ADGRD2: variants seen among roughly 807,000 people sequenced by gnomAD.
ADGRD2 encodes the protein adhesion G protein-coupled receptor D2.
Under a neutral mutation model 44.4 loss-of-function variants are expected in ADGRD2, and 71 were observed. The ratio of observed to expected loss-of-function variants is 1.60; its 90% confidence interval spans 1.32 to 1.95. The LOEUF is 1.95. Ranked by LOEUF, ADGRD2 falls within the 30% of genes most tolerant of loss-of-function variation. The pLI is 0.00. For synonymous variants in ADGRD2, 481 were observed against 224.8 expected (o/e 2.14, Z -10.19); for missense variants, 1,039 against 512.4 (o/e 2.03, Z -9.92).
At chr9:124,477,319 G>A (rs1445792689) in intron 21 of ADGRD2, among the ~76,000 whole-genome samples, 1 of 152,208 alleles carries the variant, frequency 6.6e-6, no homozygotes, top group Non-Finnish European at 1.5e-5. Flanking sequence ...GACCCTGACC[G>A]CTGGCCGCCT....
At chr9:124,463,438 A>C (rs1479023449) in intron 10 of ADGRD2, among the ~76,000 whole-genome samples, 1 of 152,116 alleles carries the variant, frequency 6.6e-6, no homozygotes, top group Non-Finnish European at 1.5e-5. Flanking sequence ...TGTGTTCTGT[A>C]GTTTCTTGTA....
In ADGRD2 at chr9:124,463,994, C is replaced by A. The variant is rs759637372; in HGVS notation, c.1871-2264C>A. ...GTGGTACTGCAGGTCCATACCACCA[C>A]GCCTGGCTAATTTTATTTTGTATTT... On this transcript the variant is annotated intron_variant, in intron 10 of 21. Transcript: ENST00000334810. Among the ~76,000 whole-genome samples the A allele has an allele frequency of 3.3e-5, 5 of 152,052 alleles. No homozygotes were observed. The South Asian group carries it at 1.0e-3, about 32-fold the overall frequency.
intron 6 of ADGRD2, 38 bp from the exon 10 acceptor site, chr9:124,456,584 A>G: frequency 2.8e-6 from 2 of 717,134 alleles, no homozygotes; most frequent in Non-Finnish European, 5.2e-6. Context: ...AGTGGGGTGC[A>G]GAGTGTGACA....
At chr9:124,461,738 T>A (rs973993034) in intron 10 of ADGRD2, among the ~76,000 whole-genome samples, 7 of 144,080 alleles carry the variant, frequency 4.9e-5, no homozygotes, top group African/African-American at 7.9e-5. Context: ...TTTTTTTTTT[T>A]AATTTGTTTT....
intron 10 of ADGRD2, among the ~76,000 whole-genome samples, chr9:124,460,159 C>T (rs560473918): frequency 6.6e-6 from 1 of 150,492 alleles, no homozygotes; most frequent in East Asian, 1.9e-4. Context: ...AATGGGGCTG[C>T]GGGTGGATTG....
Position 124,462,580 on chromosome 9 carries a change from A to G in ADGRD2, c.1871-3678A>G, listed in dbSNP as rs2131242736. ...TTTAGGGTTTTTACATTTTTTTCTC[A>G]GTGATGTATACCTTTCAGTGCACAG... On this transcript the variant is annotated intron_variant, in intron 10 of 21. Transcript: ENST00000334810. Among the ~76,000 whole-genome samples, 2 of 152,242 alleles carry G rather than the reference A, an allele frequency of 1.3e-5. 1 individual carries two copies. The highest frequency in any genetic ancestry group is 4.1e-4 in the South Asian group (2 of 4,828).
intron 17 of ADGRD2, among the ~76,000 whole-genome samples, chr9:124,474,087 C>T (rs997278845): frequency 2.1e-4 from 32 of 151,912 alleles, no homozygotes; most frequent in African/African-American, 7.0e-4. Flanking sequence ...ACCAGCCTGA[C>T]CAATATGGTG....
At chr9:124,463,196 G>T (rs2131243715) in intron 10 of ADGRD2, among the ~76,000 whole-genome samples, 1 of 152,208 alleles carries the variant, frequency 6.6e-6, no homozygotes, top group Admixed American at 6.5e-5. Context: ...TTTTTATCAT[G>T]AATGGCTTTT....
chr9:124,478,483 T>C (rs1421931400), exon 22 of ADGRD2: 1 of 152,592 alleles, frequency 6.6e-6, no homozygotes, highest in Non-Finnish European at 1.5e-5. Context: ...CCCAGGCTCT[T>C]TCCCCCAGTC....
At chr9:124,458,413 G>GGGGT (rs1831658581) in intron 9 of ADGRD2, among the ~76,000 whole-genome samples, 177 bp downstream of exon 12, 1 of 152,210 alleles carries the variant, frequency 6.6e-6, no homozygotes, top group Non-Finnish European at 1.5e-5. Context: ...CTCAACTCCT[G>GGGGT]TCTGGGGTTC....
At chr9:124,470,660 A>C (rs150376150) in intron 17 of ADGRD2, 46 bp downstream of exon 20, 553 of 682,722 alleles carry the variant, frequency 8.1e-4, no homozygotes, top group Non-Finnish European at 7.9e-4. Flanking sequence ...GACATGCACG[A>C]AAGCTCAGAG....
intron 17 of ADGRD2, among the ~76,000 whole-genome samples, chr9:124,473,618 TGGG>T (rs1228427590): frequency 6.6e-6 from 1 of 152,222 alleles, no homozygotes; most frequent in African/African-American, 2.4e-5. Context: ...GCCTGCACGC[TGGG>T]GGACATGGAG....
At chr9:124,471,859 A>G (rs181316943) in intron 17 of ADGRD2, among the ~76,000 whole-genome samples, 296 of 152,260 alleles carry the variant, frequency 1.9e-3, no homozygotes, top group African/African-American at 6.6e-3. Flanking sequence ...GACCATGGCC[A>G]CGATGAAGAA....
chr9:124,467,995 G>T, intron 12 of ADGRD2, 93 bp from the exon 16 acceptor site: 2 of 712,670 alleles, frequency 2.8e-6, no homozygotes, highest in South Asian at 3.0e-5. Context: ...CCCTCCATCT[G>T]CCCAGGCACA....
chr9:124,460,024 T>C (rs1831697321), intron 10 of ADGRD2, among the ~76,000 whole-genome samples: 1 of 152,036 alleles, frequency 6.6e-6, no homozygotes, highest in African/African-American at 2.4e-5. Context: ...TCTTCTCCCT[T>C]CTGAAACACT....
chr9:124,474,025 C>T (rs938638539), intron 17 of ADGRD2, among the ~76,000 whole-genome samples: 6 of 152,076 alleles, frequency 3.9e-5, no homozygotes, highest in African/African-American at 1.4e-4. Flanking sequence ...CCTGTAATCC[C>T]AGCACTTTGG....
At chr9:124,463,329 C>T (rs574594777) in intron 10 of ADGRD2, among the ~76,000 whole-genome samples, 13 of 152,234 alleles carry the variant, frequency 8.5e-5, no homozygotes, top group Admixed American at 7.2e-4. Flanking sequence ...TTCCTGAGAT[C>T]AGTGTAATTT....
At chr9:124,470,437 C>G in intron 16 of ADGRD2, 57 bp from the exon 20 acceptor site, 1 of 687,314 alleles carries the variant, frequency 1.5e-6, no homozygotes, top group Non-Finnish European at 2.7e-6. Context: ...CCCTGGAGCC[C>G]TGCGGGGAGC....
rs148254178 is a variant in ADGRD2, at chr9:124,458,168, C to T, written c.1698C>T (p.His566=). The T allele has an allele frequency of 5.1e-4, 365 of 718,538 alleles. 2 individuals carry two copies. The East Asian group carries it at 9.0e-3, about 18-fold the overall frequency. 44.5% of individuals were successfully genotyped at this position (718,538 alleles called of 1,614,324 possible). The change falls in exon 9 of 22, where the codon CAC becomes CAT. Residue 566 remains histidine, a synonymous_variant. Transcript: ENST00000334810. ...GGTTCACCTCCAGAGTCTTCCAGCA[C>T]ACCCTAGAGGGACCGGACCTAGAGC...
Sources: allele counts gnomAD v4.1 joint callset (sites outside exome capture counted in the v4.1 genomes callset), GRCh38; gene constraint gnomAD v4.1.1; transcripts MANE v1.5; gene names NCBI Gene and HGNC (gene_info 2026-07-23, HGNC 2026-07-21).